Variants in MRPL37 observed in about 807,000 individuals in gnomAD.
The protein encoded by MRPL37 is mitochondrial ribosomal protein L37.
A neutral mutation model predicts 44.1 loss-of-function variants in MRPL37; 34 were observed. The observed-to-expected ratio is 0.77, with a 90% CI of 0.59 to 1.03. The LOEUF (loss-of-function observed/expected upper bound fraction) is 1.03. MRPL37 is among the 50% of genes least tolerant of loss of function. The pLI is 0.00. For synonymous variants in MRPL37, 212 were observed against 219.5 expected (o/e 0.97, Z 0.30); for missense variants, 532 against 543.7 (o/e 0.98, Z 0.21).
chr1:54,221,412 T>C (rs1644232749), downstream of MRPL37, among the ~76,000 whole-genome samples: 1 of 152,090 alleles, frequency 6.6e-6, no homozygotes, highest in African/African-American at 2.4e-5. Flanking sequence ...CACTCAGATG[T>C]CCATGACCCA....
downstream of MRPL37, chr1:54,220,777 C>G (rs1188093751): frequency 2.1e-6 from 1 of 471,464 alleles, no homozygotes. Flanking sequence ...GAGCACGCTG[C>G]AGGGAGAGTG....
At chr1:54,205,445 GT>G (rs763093796) in intron 3 of MRPL37, 35 bp downstream of exon 3, 44 of 1,563,034 alleles carry the variant, frequency 2.8e-5, no homozygotes, top group African/African-American at 5.5e-5. Context: ...GCCTTGGTCT[GT>G]TTTTTTTGCC....
downstream of MRPL37, among the ~76,000 whole-genome samples, chr1:54,223,821 T>C (rs371840681): frequency 2.6e-5 from 4 of 152,214 alleles, no homozygotes; most frequent in South Asian, 8.3e-4. Flanking sequence ...TCAGTATCTT[T>C]CCACTGGCTC....
intron 6 of MRPL37, 135 bp from the exon 7 acceptor site, chr1:54,218,037 T>A: frequency 5.9e-6 from 5 of 842,840 alleles, no homozygotes; most frequent in Non-Finnish European, 1.0e-5. Flanking sequence ...TGCCCCTTCT[T>A]AGTCCGAGAG....
At chr1:54,220,457 GCTGCAAAGTACAGCTGAT>G (rs936365078), downstream of MRPL37, among the ~76,000 whole-genome samples, 7 of 152,322 alleles carry the variant, frequency 4.6e-5, no homozygotes, top group South Asian at 1.2e-3. Context: ...TGTCAAGGGA[GCTGCAAAGTACAGCTGAT>G]CTGCAAAGTG....
chr1:54,220,097 G>C (rs1315809358), downstream of MRPL37, among the ~76,000 whole-genome samples: 4 of 152,112 alleles, frequency 2.6e-5, no homozygotes, highest in Non-Finnish European at 5.9e-5. Context: ...TGGGAGTACA[G>C]AGGAGGAGCT....
intron 4 of MRPL37, 24 bp downstream of exon 4, chr1:54,210,155 T>A (rs1301424925): frequency 1.2e-6 from 2 of 1,605,632 alleles, no homozygotes; most frequent in East Asian, 2.2e-5. Context: ...TCTTGGACTT[T>A]TAGGCAGTGT....
chr1:54,224,969 AAC>A (rs1474288565), downstream of MRPL37, among the ~76,000 whole-genome samples: 1 of 136,106 alleles, frequency 7.3e-6, no homozygotes, highest in Non-Finnish European at 1.6e-5. Flanking sequence ...TCCCTGTGCC[AAC>A]AGTCGCCAAC....
chr1:54,223,588 G>T (rs1372910034), downstream of MRPL37, among the ~76,000 whole-genome samples: 1 of 152,236 alleles, frequency 6.6e-6, no homozygotes, highest in Admixed American at 6.5e-5. Flanking sequence ...GCAGGGGGCA[G>T]TGGGGATGCC....
chr1:54,205,714 T>C (rs750394228), intron 3 of MRPL37, among the ~76,000 whole-genome samples: 4 of 152,222 alleles, frequency 2.6e-5, no homozygotes, highest in Non-Finnish European at 5.9e-5. Flanking sequence ...ATAAAGCACA[T>C]GTAGCCTCCG....
At chr1:54,220,060 C>T (rs559445611), downstream of MRPL37, among the ~76,000 whole-genome samples, 36 of 151,594 alleles carry the variant, frequency 2.4e-4, no homozygotes, top group South Asian at 6.2e-3. Context: ...CTGAGTCAAA[C>T]GTTTTTTTTT....
chr1:54,200,274 G>A lies in MRPL37; in HGVS notation c.31G>A (p.Ala11Thr). The change falls in exon 1 of 7, where the codon GCG becomes ACG. Residue 11 changes from alanine (A) to threonine (T), a missense_variant. Physicochemically the swap from Ala to Thr is moderately conservative, Grantham distance 58. Coordinates refer to ENST00000360840, the MANE Select transcript of MRPL37 (RefSeq NM_016491.4). MALASGPARR[A>T]LAGSGQLGLG... ...ATTGGCGTCCGGGCCCGCAAGGCGG[G>A]CGCTAGCTGGCTCCGGGCAGCTCGG... 1 of 1,601,010 alleles carries A rather than the reference G, an allele frequency of 6.2e-7. No homozygotes were observed. Among genetic ancestry groups the A allele is most frequent in the Non-Finnish European group, 8.5e-7 (1 of 1,174,950 alleles).
At chr1:54,202,917 G>A (rs921759502) in intron 1 of MRPL37, among the ~76,000 whole-genome samples, 12 of 152,222 alleles carry the variant, frequency 7.9e-5, no homozygotes, top group African/African-American at 2.7e-4. Context: ...TCATTGAGAA[G>A]AATATAGTAT....
In MRPL37 at chr1:54,212,604, GA is replaced by G. The variant is rs745436373; in HGVS notation, c.937del (p.Met313Ter). On this transcript the variant is annotated frameshift_variant, in exon 5 of 7. Coordinates refer to ENST00000360840, the MANE Select transcript of MRPL37 (RefSeq NM_016491.4). LOFTEE classifies it high-confidence loss of function. The stretch of plus-strand genomic sequence containing the variant: ...TTCAACCAGATCAGCTGCGGGCCAA[GA>G]TGATCCTGTTTGCTTTTGGCAGTGC... ...RLQPDQLRAK[M>X]ILFAFGSALA... is the part of the protein sequence containing the mutation. 21 of 1,614,112 alleles carry G rather than the reference GA, an allele frequency of 1.3e-5. No individual in the cohort carries two copies. The highest frequency in any genetic ancestry group is 1.5e-5 in the Non-Finnish European group (18 of 1,180,046).
chr1:54,207,108 C>G (rs1008939739), intron 3 of MRPL37, among the ~76,000 whole-genome samples: 2 of 152,180 alleles, frequency 1.3e-5, no homozygotes. Flanking sequence ...ACTCAAGCCC[C>G]CCTTCTCTGT....
chr1:54,206,453 AG>A (rs966689455), intron 3 of MRPL37, among the ~76,000 whole-genome samples: 1 of 151,820 alleles, frequency 6.6e-6, no homozygotes, highest in African/African-American at 2.4e-5. Flanking sequence ...TGTGTCGCCC[AG>A]GCTGGAGTAC....
chr1:54,205,714 T>G (rs750394228), intron 3 of MRPL37, among the ~76,000 whole-genome samples: 11 of 152,222 alleles, frequency 7.2e-5, no homozygotes, highest in Non-Finnish European at 1.0e-4. Flanking sequence ...ATAAAGCACA[T>G]GTAGCCTCCG....
At chr1:54,209,850 G>A in intron 3 of MRPL37, 96 bp from the exon 4 acceptor site, 1 of 1,285,802 alleles carries the variant, frequency 7.8e-7, no homozygotes, top group Non-Finnish European at 1.1e-6. Flanking sequence ...ACCTGCCTTG[G>A]CCTCCCAAAG....
At chr1:54,223,730 G>A (rs570348065), downstream of MRPL37, among the ~76,000 whole-genome samples, 1 of 152,302 alleles carries the variant, frequency 6.6e-6, no homozygotes, top group Admixed American at 6.5e-5. Context: ...TCTGGCCCCC[G>A]ACTCCGGCAC....
Sources: gnomAD v4.1 joint callset for allele counts (sites outside exome capture counted in the v4.1 genomes callset) on GRCh38, gnomAD v4.1.1 for gene constraint, MANE v1.5 for transcripts, NCBI Gene and HGNC (gene_info 2026-07-23, HGNC 2026-07-21) for gene names.